The following OPRK1 variants were observed in gnomAD, a reference collection of about 807,000 sequenced individuals.
OPRK1 encodes kappa-type opioid receptor.
Under a neutral mutation model 24.5 loss-of-function variants are expected in OPRK1, and 15 were observed. That is an observed-to-expected ratio of 0.61 (90% confidence interval 0.41 to 0.94). The LOEUF (loss-of-function observed/expected upper bound fraction) is 0.94, where lower values mean the gene tolerates loss of function less well. OPRK1 is among the 40% of genes least tolerant of loss of function. The pLI is 0.00. For missense variants in OPRK1, 479 were observed against 507.3 expected (o/e 0.94, Z 0.54); for synonymous variants, 205 against 198.0 (o/e 1.04, Z -0.30).
In OPRK1 at chr8:53,250,914, C is replaced by T; in HGVS notation, c.124G>A (p.Ala42Thr). 1 of 1,611,800 alleles carries T rather than the reference C, an allele frequency of 6.2e-7. No homozygotes were observed. The highest frequency in any genetic ancestry group is 8.5e-7 in the Non-Finnish European group (1 of 1,179,310). ...GWAEPDSNGSAGSEDAQLEPA... is the reference protein window; with the variant it reads ...GWAEPDSNGSTGSEDAQLEPA... ...TCCAGCTGCGCGTCCTCCGAGCCGG[C>T]GCTGCCGTTGCTGTCGGGCTCGGCC... Residue 42 changes from alanine to threonine, a missense_variant, in exon 2 of 4, where the codon GCC (alanine) becomes ACC (threonine). Physicochemically the swap from Ala to Thr is moderately conservative, Grantham distance 58. Coordinates refer to ENST00000265572, the MANE Select transcript of OPRK1 (RefSeq NM_000912.5).
intron 2 of OPRK1, among the ~76,000 whole-genome samples, chr8:53,247,744 C>T (rs550190208): frequency 1.3e-5 from 2 of 152,058 alleles, no homozygotes; most frequent in East Asian, 3.9e-4. Context: ...ACCTGTAATC[C>T]GAGCACTTTG....
At chr8:53,249,421 T>G (rs1391896461) in intron 2 of OPRK1, among the ~76,000 whole-genome samples, 2 of 152,208 alleles carry the variant, frequency 1.3e-5, no homozygotes, top group African/African-American at 4.8e-5. Flanking sequence ...GACAAACAAT[T>G]TAATTTTAAA....
At chr8:53,244,527 G>C (rs573976122) in intron 2 of OPRK1, among the ~76,000 whole-genome samples, 48 of 152,286 alleles carry the variant, frequency 3.2e-4, no homozygotes, top group African/African-American at 1.1e-3. Context: ...CCAGAGGAAG[G>C]TTCGTGAGAG....
At chr8:53,249,361 G>C (rs1290541887) in intron 2 of OPRK1, among the ~76,000 whole-genome samples, 3 of 152,040 alleles carry the variant, frequency 2.0e-5, no homozygotes, top group African/African-American at 7.3e-5. Context: ...CTTTTCTTTT[G>C]TCTAATTGTC....
intron 3 of OPRK1, among the ~76,000 whole-genome samples, 161 bp from the exon 4 acceptor site, chr8:53,229,990 T>C (rs2128807658): frequency 6.6e-6 from 1 of 152,238 alleles, no homozygotes; most frequent in East Asian, 1.9e-4. Context: ...TAATGAATAC[T>C]GTATTTTGTT....
intron 1 of OPRK1, 21 bp from the exon 2 acceptor site, chr8:53,251,106 G>T: frequency 2.1e-6 from 3 of 1,419,016 alleles, no homozygotes; most frequent in Non-Finnish European, 2.7e-6. Flanking sequence ...GAAAGAACCG[G>T]CTGGACGCGG....
rs368441468 is a variant in OPRK1, at chr8:53,229,291, G to C, written c.*6C>G. ...AAGAACTGTACGAAGACATCTCCAC[G>C]ACTAGTCATACTGGTTTATTCATCC... On this transcript the variant is annotated 3_prime_UTR_variant, in exon 4 of 4. Transcript: ENST00000265572. The C allele has an allele frequency of 6.2e-7, 1 of 1,609,222 alleles. No individual in the cohort carries two copies. The highest frequency in any genetic ancestry group is 1.7e-5 in the Admixed American group (1 of 59,822).
intron 3 of OPRK1, among the ~76,000 whole-genome samples, chr8:53,233,328 G>A (rs899433039): frequency 6.6e-6 from 1 of 152,114 alleles, no homozygotes; most frequent in Admixed American, 6.5e-5. Context: ...GTGCCTGTGT[G>A]GGGTAAATGG....
chr8:53,239,698 C>T (rs969485531), intron 2 of OPRK1, among the ~76,000 whole-genome samples: 1 of 152,222 alleles, frequency 6.6e-6, no homozygotes, highest in African/African-American at 2.4e-5. Context: ...CAGACTGGTA[C>T]TTGATAATTT....
chr8:53,237,905 C>G (rs915821644), intron 2 of OPRK1, among the ~76,000 whole-genome samples: 1 of 152,140 alleles, frequency 6.6e-6, no homozygotes, highest in Non-Finnish European at 1.5e-5. Context: ...GTGGGAGGAT[C>G]TGGATGGGGT....
At chr8:53,241,795 G>A (rs1807121484) in intron 2 of OPRK1, among the ~76,000 whole-genome samples, 3 of 152,196 alleles carry the variant, frequency 2.0e-5, no homozygotes, top group African/African-American at 7.2e-5. Context: ...GACTCCAGAC[G>A]CACAGCCCCG....
chr8:53,239,864 C>T (rs1190581717), intron 2 of OPRK1, among the ~76,000 whole-genome samples: 2 of 152,144 alleles, frequency 1.3e-5, no homozygotes, highest in Non-Finnish European at 2.9e-5. Context: ...GAGAAAACGT[C>T]TTAGAAATAC....
chr8:53,241,934 G>A (rs1317931786), intron 2 of OPRK1, among the ~76,000 whole-genome samples: 1 of 152,206 alleles, frequency 6.6e-6, no homozygotes, highest in Non-Finnish European at 1.5e-5. Flanking sequence ...TGTCCCGGCT[G>A]TGGAATCATG....
At chr8:53,239,644 T>C (rs1807070480) in intron 2 of OPRK1, among the ~76,000 whole-genome samples, 1 of 152,254 alleles carries the variant, frequency 6.6e-6, no homozygotes, top group South Asian at 2.1e-4. Context: ...TCTGATAAAG[T>C]TGTCATGATG....
chr8:53,233,507 A>C (rs928800123), intron 3 of OPRK1, among the ~76,000 whole-genome samples: 1 of 152,138 alleles, frequency 6.6e-6, no homozygotes, highest in Non-Finnish European at 1.5e-5. Context: ...GAAAATCCTC[A>C]CTATATACAC....
intron 3 of OPRK1, among the ~76,000 whole-genome samples, chr8:53,233,625 T>C (rs962077108): frequency 6.6e-6 from 1 of 152,156 alleles, no homozygotes; most frequent in African/African-American, 2.4e-5. Context: ...ACTATTCTGC[T>C]CACCTCCCCA....
intron 2 of OPRK1, among the ~76,000 whole-genome samples, chr8:53,241,374 T>C (rs943063777): frequency 6.6e-6 from 1 of 151,606 alleles, no homozygotes. Context: ...AATTGTAGGG[T>C]TTTTTTTCTA....
Position 53,227,852 on chromosome 8 carries a change from A to G in OPRK1, c.*1445T>C, listed in dbSNP as rs1401518041. On this transcript the variant is annotated 3_prime_UTR_variant, in exon 4 of 4. Transcript: ENST00000265572. The stretch of plus-strand genomic sequence containing the variant: ...GGGCTATATATTCAATTTTTCTATT[A>G]AATTCCAGAGGATGCAGCCCTAGTA... 6.6e-6 allele frequency: 1 copy of G among 152,014 alleles called. No individual in the cohort carries two copies. Among genetic ancestry groups the G allele is most frequent in the Admixed American group, 6.6e-5 (1 of 15,244 alleles). 9.4% of individuals were successfully genotyped at this position (152,014 alleles called of 1,614,324 possible). A position where few individuals can be genotyped will look rare whatever the true frequency, so the allele number is the denominator to read the frequency against.
Position 53,228,565 on chromosome 8 carries a change from G to A in OPRK1, c.*732C>T, listed in dbSNP as rs547282964. ...TTCAGTGGTATTCACACCACTTTAT[G>A]TTTCTTGACAATGGGACATGCTTTA... On this transcript the variant is annotated 3_prime_UTR_variant, in exon 4 of 4. Coordinates refer to ENST00000265572, the MANE Select transcript of OPRK1 (RefSeq NM_000912.5). 1 of 152,234 alleles carries A rather than the reference G, an allele frequency of 6.6e-6. No homozygotes were observed. The highest frequency in any genetic ancestry group is 1.9e-4 in the East Asian group (1 of 5,180). 9.4% of individuals were successfully genotyped at this position (152,234 alleles called of 1,614,324 possible).
Sources: allele counts gnomAD v4.1 joint callset (sites outside exome capture counted in the v4.1 genomes callset), GRCh38; gene constraint gnomAD v4.1.1; transcripts MANE v1.5; gene names NCBI Gene and HGNC (gene_info 2026-07-23, HGNC 2026-07-21).